The following ZBTB2 variants were observed in gnomAD, a reference collection of about 807,000 sequenced individuals.
ZBTB2 encodes the protein zinc finger and BTB domain containing 2, also known as zinc finger and BTB domain-containing protein 2.
ZBTB2 carries 2 observed loss-of-function variants against 39.5 expected under a neutral mutation model. That is an observed-to-expected ratio of 0.05 (90% CI 0.02 to 0.16). ZBTB2 has a LOEUF of 0.16. Among genes scored for constraint, ZBTB2 ranks in the 10% least tolerant of loss-of-function variants. The pLI is 1.00. For missense variants in ZBTB2, 391 were observed against 653.0 expected (o/e 0.60, Z 4.37); for synonymous variants, 251 against 256.6 (o/e 0.98, Z 0.21).
chr6:151,387,736 T>C (rs1779191930), intron 1 of ZBTB2, among the ~76,000 whole-genome samples: 1 of 152,186 alleles, frequency 6.6e-6, no homozygotes, highest in African/African-American at 2.4e-5. Flanking sequence ...TACTGAACTT[T>C]CTTAAAGTGA....
chr6:151,386,490 T>C (rs1024932649), intron 1 of ZBTB2, among the ~76,000 whole-genome samples: 1 of 152,216 alleles, frequency 6.6e-6, no homozygotes, highest in Non-Finnish European at 1.5e-5. Flanking sequence ...GCCATGGTCA[T>C]GCCACTGCAC....
intron 1 of ZBTB2, among the ~76,000 whole-genome samples, chr6:151,389,115 C>T (rs1159110142): frequency 2.0e-5 from 3 of 152,142 alleles, no homozygotes; most frequent in Non-Finnish European, 4.4e-5. Flanking sequence ...TGGTAAATTA[C>T]TATGCCTTTA....
At chr6:151,369,372 G>C (rs574704762) in intron 2 of ZBTB2, among the ~76,000 whole-genome samples, 7 of 151,586 alleles carry the variant, frequency 4.6e-5, no homozygotes, top group African/African-American at 1.5e-4. Flanking sequence ...TTTTTTGAGA[G>C]AGGGGGTCTT....
intron 1 of ZBTB2, among the ~76,000 whole-genome samples, chr6:151,376,101 A>G (rs1178221818): frequency 6.6e-6 from 1 of 152,192 alleles, no homozygotes; most frequent in African/African-American, 2.4e-5. Context: ...TTTTCAACAA[A>G]TGGTGCACGA....
chr6:151,385,528 C>T (rs3849797), intron 1 of ZBTB2, among the ~76,000 whole-genome samples: 16,353 of 152,240 alleles, frequency 0.11, 1,022 homozygotes, highest in Admixed American at 0.17. Flanking sequence ...GAGATCAAAA[C>T]AGCTTGTGGA....
chr6:151,380,340 AGGTACTATG>A (rs1397782071), intron 1 of ZBTB2, among the ~76,000 whole-genome samples: 1 of 152,192 alleles, frequency 6.6e-6, no homozygotes, highest in African/African-American at 2.4e-5. Flanking sequence ...AGGGTGGAGA[AGGTACTATG>A]GGCTCCACCC....
chr6:151,370,621 GA>G lies in ZBTB2; in HGVS notation c.173+2843del, dbSNP rs1778769546. Among the ~76,000 whole-genome samples, 5 of 152,292 alleles carry G rather than the reference GA, an allele frequency of 3.3e-5. No homozygotes were observed. The South Asian group carries it at 1.0e-3, about 32-fold the overall frequency. Reference sequence around the variant, plus strand: ...GTCTGTGATTTAAACATACCACTCGGAGTAGTAGACATAAGACAGGGACATC... The same window carrying G: ...GTCTGTGATTTAAACATACCACTCGGGTAGTAGACATAAGACAGGGACATC... On this transcript the variant is annotated intron_variant, in intron 2 of 2. Coordinates refer to ENST00000325144, the MANE Select transcript of ZBTB2 (RefSeq NM_020861.3).
At chr6:151,369,122 T>C (rs1778721006) in intron 2 of ZBTB2, among the ~76,000 whole-genome samples, 1 of 152,208 alleles carries the variant, frequency 6.6e-6, no homozygotes, top group African/African-American at 2.4e-5. Flanking sequence ...CTGTCTTATC[T>C]ATCACTTATG....
chr6:151,372,930 A>G (rs896558937), intron 2 of ZBTB2, among the ~76,000 whole-genome samples: 5 of 151,878 alleles, frequency 3.3e-5, no homozygotes, highest in Admixed American at 3.3e-4. Flanking sequence ...CGAGGCGGGC[A>G]GATCACGAGG....
In ZBTB2 at chr6:151,364,511, T is replaced by G. The variant is rs1229088791; in HGVS notation, c.*1010A>C. The stretch of plus-strand genomic sequence containing the variant: ...CATTTATTTTTGATGCTTCAATTAA[T>G]GTTGCCAGTAAACTATCAGCATTGA... On this transcript the variant is annotated 3_prime_UTR_variant, in exon 3 of 3. Transcript: ENST00000325144. 1 of 152,336 alleles carries G rather than the reference T, an allele frequency of 6.6e-6. No homozygotes were observed. Among genetic ancestry groups the G allele is most frequent in the Non-Finnish European group, 1.5e-5 (1 of 68,050 alleles). The allele number at this position is 152,336 out of a possible 1,614,324, so 9.4% of individuals were successfully genotyped here.
chr6:151,367,007 A>G lies in ZBTB2; in HGVS notation c.174-115T>C, dbSNP rs143259501. On this transcript the variant is annotated intron_variant, in intron 2 of 2. Coordinates refer to ENST00000325144, the MANE Select transcript of ZBTB2 (RefSeq NM_020861.3). Reference sequence around the variant, plus strand: ...AAGGAAACAACATTTCCTATCCTTGATTTTTAGTAAGTTTCATGAAAATGG... The same window carrying G: ...AAGGAAACAACATTTCCTATCCTTGGTTTTTAGTAAGTTTCATGAAAATGG... The G allele has an allele frequency of 3.3e-4, 370 of 1,118,016 alleles. 2 individuals are homozygous for G. In the African/African-American group the frequency reaches 5.4e-3, roughly 16 times the overall value. 69.3% of individuals were successfully genotyped at this position (1,118,016 alleles called of 1,614,324 possible). A position where few individuals can be genotyped will look rare whatever the true frequency, so the allele number is the denominator to read the frequency against.
intron 1 of ZBTB2, among the ~76,000 whole-genome samples, chr6:151,373,874 A>AAAAC (rs1778844679): frequency 7.0e-6 from 1 of 142,682 alleles, no homozygotes; most frequent in Non-Finnish European, 1.5e-5. Context: ...AAAAAAAAAA[A>AAAAC]AAACCAGATG....
At chr6:151,388,897 T>G (rs1779222753) in intron 1 of ZBTB2, among the ~76,000 whole-genome samples, 1 of 152,158 alleles carries the variant, frequency 6.6e-6, no homozygotes, top group South Asian at 2.1e-4. Flanking sequence ...CTGGCAAGTA[T>G]GCACTGGGAC....
chr6:151,387,783 A>C (rs1779192643), intron 1 of ZBTB2, among the ~76,000 whole-genome samples: 1 of 152,168 alleles, frequency 6.6e-6, no homozygotes, highest in Admixed American at 6.5e-5. Flanking sequence ...CAAGCATGTG[A>C]ACTGGGGGTT....
At chr6:151,390,372 G>A (rs932711908) in intron 1 of ZBTB2, among the ~76,000 whole-genome samples, 1 of 149,394 alleles carries the variant, frequency 6.7e-6, no homozygotes, top group African/African-American at 2.4e-5. Flanking sequence ...GTCCCCGAGG[G>A]GCTGAGGGGG....
chr6:151,381,060 CA>C (rs1779024516), intron 1 of ZBTB2, among the ~76,000 whole-genome samples: 1 of 152,156 alleles, frequency 6.6e-6, no homozygotes, highest in Admixed American at 6.5e-5. Flanking sequence ...TCTTACTCCT[CA>C]CATCAGCCCC....
Position 151,365,575 on chromosome 6 carries a change from G to A in ZBTB2, c.1491C>T (p.Asp497=). The change falls in exon 3 of 3, where the codon GAC becomes GAT. Residue 497 remains aspartate (D), a synonymous_variant. Coordinates refer to ENST00000325144, the MANE Select transcript of ZBTB2 (RefSeq NM_020861.3). The surrounding 1 kb of genome is among the most constrained non-coding windows in gnomAD (Gnocchi z 5.6). The stretch of plus-strand genomic sequence containing the variant: ...TTTTGATGGAAGCTAACACTGGGTG[G>A]TCAGGCTCCGTTACTTCCGAGTCCC... The part of the protein sequence containing the change: ...GSGDSEVTEP[D]HPVLASIKKE... 2 of 1,614,192 alleles carry A rather than the reference G, an allele frequency of 1.2e-6. No individual in the cohort carries two copies. Among genetic ancestry groups the A allele is most frequent in the Non-Finnish European group, 1.7e-6 (2 of 1,180,028 alleles).
At chr6:151,382,863 A>G (rs1318345564) in intron 1 of ZBTB2, among the ~76,000 whole-genome samples, 1 of 151,752 alleles carries the variant, frequency 6.6e-6, no homozygotes, top group Admixed American at 6.6e-5. Context: ...CCCTGAAAAA[A>G]TATTTTTCTA....
rs1778655702 is a variant in ZBTB2, at chr6:151,366,539, T to C, written c.527A>G (p.Gln176Arg). The C allele has an allele frequency of 6.2e-7, 1 of 1,613,966 alleles. No homozygotes were observed. Among genetic ancestry groups the C allele is most frequent in the East Asian group, 2.2e-5 (1 of 44,880 alleles). ...CAGATTTGAAGTCAGCTGGGAGAGCTGTGAGGCCTCAGGGACCTGCTCCTG... is the reference window on the plus strand; with the variant it reads ...CAGATTTGAAGTCAGCTGGGAGAGCCGTGAGGCCTCAGGGACCTGCTCCTG... The part of the protein sequence containing the change: ...ISQEQVPEAS[Q>R]LSQLTSNLAQ... The change falls in exon 3 of 3, where the codon CAG (glutamine) becomes CGG (arginine). Residue 176 changes from glutamine to arginine, a missense_variant. Around this residue, in one of 7 missense-constraint regions of ZBTB2, gnomAD observed 175 missense variants for 198.6 expected, o/e 0.88. Transcript: ENST00000325144. This position sits in a 1 kb window ranked among gnomAD's most constrained non-coding sequence, Gnocchi z 7.1.
Sources: gnomAD v4.1 joint callset for allele counts (sites outside exome capture counted in the v4.1 genomes callset) on GRCh38, gnomAD v4.1.1 for gene constraint, gnomAD v4.1.1 regional missense constraint, Gnocchi (gnomAD v3.1) non-coding constraint, MANE v1.5 for transcripts, NCBI Gene and HGNC (gene_info 2026-07-23, HGNC 2026-07-21) for gene names.